SLC25A30: variants seen among roughly 807,000 people sequenced by gnomAD.
SLC25A30 encodes kidney mitochondrial carrier protein 1.
In SLC25A30, 29 loss-of-function variants were observed where a neutral mutation model predicts 42.7. That is an observed-to-expected ratio of 0.68 (90% confidence interval 0.51 to 0.93). The LOEUF is 0.93. SLC25A30 is among the 40% of genes least tolerant of loss of function. The probability of loss-of-function intolerance (pLI) is 0.00; values close to 1 mark genes in which losing one functional copy is unlikely to be tolerated. For synonymous variants in SLC25A30, 124 were observed against 131.0 expected (o/e 0.95, Z 0.37); for missense variants, 300 against 359.7 (o/e 0.83, Z 1.34).
At chr13:45,396,778 CAAAA>C (rs551638171) in intron 9 of SLC25A30, 1 of 158,770 alleles carries the variant, frequency 6.3e-6, no homozygotes, top group Non-Finnish European at 1.4e-5. Flanking sequence ...GTCTCAAAAA[CAAAA>C]AAAAAGTTAA....
intron 1 of SLC25A30, among the ~76,000 whole-genome samples, chr13:45,413,647 C>T (rs1883219829): frequency 6.6e-6 from 1 of 152,116 alleles, no homozygotes; most frequent in African/African-American, 2.4e-5. Flanking sequence ...CTCCACCTCC[C>T]AGGTTCAAGT....
At chr13:45,396,419 A>T in intron 9 of SLC25A30, 1 of 875,634 alleles carries the variant, frequency 1.1e-6, no homozygotes, top group Non-Finnish European at 1.4e-6. Flanking sequence ...GAGCTGATGA[A>T]GAGCAACAAG....
chr13:45,427,738 T>TTTTTCTTTTC, the SLC25A30 span, among the ~76,000 whole-genome samples: 194 of 148,670 alleles, frequency 1.3e-3, 1 homozygote, highest in Admixed American at 2.6e-3. Context: ...CCCCCTACAA[T>TTTTTCTTTTC]TTTTCTTTTC....
At chr13:45,431,566 T>G in the SLC25A30 span, among the ~76,000 whole-genome samples, 16 of 51,896 alleles carry the variant, frequency 3.1e-4, 8 homozygotes, top group East Asian at 1.1e-3. Flanking sequence ...TGTATTTTTA[T>G]TAGAGATGGG....
the SLC25A30 span, among the ~76,000 whole-genome samples, chr13:45,424,504 A>T: frequency 3.0e-4 from 11 of 37,274 alleles, no homozygotes; most frequent in Admixed American, 8.3e-4. Context: ...TAAATATATA[A>T]AAATATATAT....
At chr13:45,397,997 G>A in intron 8 of SLC25A30, 1 of 985,218 alleles carries the variant, frequency 1.0e-6, no homozygotes, top group Non-Finnish European at 1.2e-6. Flanking sequence ...ATCATTCAGA[G>A]TACCACTATT....
chr13:45,421,567 A>C (rs1883893458), upstream of SLC25A30, among the ~76,000 whole-genome samples: 1 of 152,076 alleles, frequency 6.6e-6, no homozygotes, highest in South Asian at 2.1e-4. Context: ...CCAGGTAGCA[A>C]TATGGAAATG....
chr13:45,404,885 A>C (rs1342637030), intron 4 of SLC25A30, among the ~76,000 whole-genome samples: 1 of 152,164 alleles, frequency 6.6e-6, no homozygotes, highest in East Asian at 1.9e-4. Flanking sequence ...CTAATGAAGG[A>C]ATTTTGCTTT....
Position 45,406,488 on chromosome 13 carries a change from G to GT in SLC25A30, c.213-512dup, listed in dbSNP as rs1882522593. 2.0e-5 allele frequency among the ~76,000 whole-genome samples: 3 copies of GT among 152,310 alleles called. 1 individual carries two copies. The South Asian group carries it at 6.2e-4, about 32-fold the overall frequency. ...CCTCATATTTATTCTCAATGAAAAT[G>GT]TAAGTGAAGAAGTTCAAGACAGAAT... On this transcript the variant is annotated intron_variant, in intron 3 of 9. Coordinates refer to ENST00000519676, the MANE Select transcript of SLC25A30 (RefSeq NM_001010875.4).
chr13:45,405,147 C>T (rs1882379047), intron 4 of SLC25A30, among the ~76,000 whole-genome samples: 1 of 152,172 alleles, frequency 6.6e-6, no homozygotes, highest in African/African-American at 2.4e-5. Context: ...TGGTCTGGAG[C>T]TTCTGGGCTC....
chr13:45,434,011 C>A, the SLC25A30 span, among the ~76,000 whole-genome samples: 4 of 152,148 alleles, frequency 2.6e-5, no homozygotes, highest in Non-Finnish European at 5.9e-5. Context: ...GTAATCCCAG[C>A]ACTTTGGGAG....
At chr13:45,409,965 T>C (rs1177105451) in intron 2 of SLC25A30, among the ~76,000 whole-genome samples, 1 of 152,176 alleles carries the variant, frequency 6.6e-6, no homozygotes, top group Non-Finnish European at 1.5e-5. Flanking sequence ...CCTAAGCTGG[T>C]GAGTGGGTGG....
chr13:45,414,203 T>C (rs1174362013), intron 1 of SLC25A30, among the ~76,000 whole-genome samples: 1 of 152,170 alleles, frequency 6.6e-6, no homozygotes, highest in Non-Finnish European at 1.5e-5. Flanking sequence ...TTCCAAAAGG[T>C]AGGACTAGAT....
the SLC25A30 span, among the ~76,000 whole-genome samples, chr13:45,424,152 T>TATATATAAACATAA: frequency 5.7e-5 from 5 of 87,202 alleles, no homozygotes; most frequent in African/African-American, 2.4e-4. Flanking sequence ...AATATAAGTA[T>TATATATAAACATAA]ATATATAGAA....
rs747604335 is a variant in SLC25A30 at position 45,411,347 on chromosome 13, C to A, written c.64+15G>T. Reference sequence around the variant, plus strand: ...ATACAGCAGGCTACGTGATCCACCACCCTCAGGTCCTTACCGCACTCAGCA... The same window carrying A: ...ATACAGCAGGCTACGTGATCCACCAACCTCAGGTCCTTACCGCACTCAGCA... On this transcript the variant is annotated intron_variant, in intron 2 of 9. Coordinates refer to ENST00000519676, the MANE Select transcript of SLC25A30 (RefSeq NM_001010875.4). The A allele has an allele frequency of 6.2e-6, 10 of 1,601,524 alleles. No individual in the cohort carries two copies. The highest frequency in any genetic ancestry group is 8.6e-6 in the Non-Finnish European group (10 of 1,168,504).
Position 45,394,101 on chromosome 13 carries a change from G to T in SLC25A30, c.*1873C>A. ...AATCAATGGAATGTTTTGGAAAGAAGAAAAAATCCTAAGGTGTAGTTTAGA... is the reference window on the plus strand; with the variant it reads ...AATCAATGGAATGTTTTGGAAAGAATAAAAAATCCTAAGGTGTAGTTTAGA... On this transcript the variant is annotated 3_prime_UTR_variant, in exon 10 of 10. Coordinates refer to ENST00000519676, the MANE Select transcript of SLC25A30 (RefSeq NM_001010875.4). 5.1e-6 allele frequency: 5 copies of T among 985,394 alleles called. No homozygotes were observed. Among genetic ancestry groups the T allele is most frequent in the Non-Finnish European group, 6.0e-6 (5 of 829,918 alleles). 61.0% of individuals were successfully genotyped at this position (985,394 alleles called of 1,614,324 possible). A position where few individuals can be genotyped will look rare whatever the true frequency, so the allele number is the denominator to read the frequency against.
intron 6 of SLC25A30, among the ~76,000 whole-genome samples, chr13:45,401,784 G>T (rs1882004176): frequency 6.6e-6 from 1 of 151,978 alleles, no homozygotes; most frequent in African/African-American, 2.4e-5. Context: ...CATAGGCCAG[G>T]CGCAATGCCT....
intron 5 of SLC25A30, chr13:45,402,669 T>C: frequency 2.9e-6 from 2 of 681,890 alleles, no homozygotes; most frequent in South Asian, 1.3e-4. Context: ...CTTTCTAGGA[T>C]AGAAAACAGC....
intron 5 of SLC25A30, 108 bp downstream of exon 5, chr13:45,404,219 C>G (rs1593610250): frequency 1.3e-6 from 1 of 789,028 alleles, no homozygotes; most frequent in African/African-American, 1.7e-5. Flanking sequence ...AAATTATAAA[C>G]AGATTCACAT....
Sources: allele counts gnomAD v4.1 joint callset (sites outside exome capture counted in the v4.1 genomes callset), GRCh38; gene constraint gnomAD v4.1.1; transcripts MANE v1.5; gene names NCBI Gene and HGNC (gene_info 2026-07-23, HGNC 2026-07-21).